Variants in OSBPL9 observed in about 807,000 individuals in gnomAD.
OSBPL9 encodes the protein oxysterol binding protein like 9.
A neutral mutation model predicts 106.6 loss-of-function variants in OSBPL9; 40 were observed. The observed-to-expected ratio is 0.38, with a 90% confidence interval of 0.29 to 0.49. The LOEUF is 0.49. Ranked by LOEUF, OSBPL9 falls within the 20% of genes least tolerant of loss-of-function variation. OSBPL9 has a pLI of 0.97. For missense variants in OSBPL9, 609 were observed against 887.2 expected (o/e 0.69, Z 3.98); for synonymous variants, 269 against 295.4 (o/e 0.91, Z 0.92).
intron 2 of OSBPL9, among the ~76,000 whole-genome samples, chr1:51,610,122 A>G (rs1643975976): frequency 1.3e-5 from 2 of 152,210 alleles, no homozygotes; most frequent in African/African-American, 4.8e-5. Flanking sequence ...ACGCTGTGAG[A>G]TAATTGCTAC....
intron 4 of OSBPL9, among the ~76,000 whole-genome samples, chr1:51,738,686 A>G (rs947526616): frequency 3.9e-5 from 6 of 152,114 alleles, no homozygotes; most frequent in Admixed American, 2.6e-4. Context: ...GAGTTCATCA[A>G]CTTATAGCTT....
intron 4 of OSBPL9, among the ~76,000 whole-genome samples, chr1:51,738,436 CAT>C (rs1261048172): frequency 6.6e-6 from 1 of 152,008 alleles, no homozygotes; most frequent in Non-Finnish European, 1.5e-5. Context: ...AAAGCACTAA[CAT>C]ATGTTCAAAA....
chr1:51,594,780 C>T (rs72663122), intron 1 of OSBPL9: 2,984 of 152,374 alleles, frequency 0.02, 51 homozygotes, highest in Non-Finnish European at 0.03. Flanking sequence ...CCGGGAAAGT[C>T]GGCCTGCCTG....
intron 2 of OSBPL9, among the ~76,000 whole-genome samples, chr1:51,607,508 A>G (rs894175298): frequency 2.0e-5 from 3 of 152,122 alleles, no homozygotes; most frequent in African/African-American, 7.2e-5. Flanking sequence ...CTGGGTAGAT[A>G]GGTATATTTT....
chr1:51,745,883 GA>G (rs1287394930), intron 5 of OSBPL9, among the ~76,000 whole-genome samples: 4 of 152,182 alleles, frequency 2.6e-5, no homozygotes, highest in South Asian at 4.1e-4. Context: ...GGCATAATTA[GA>G]AAAAAATAAG....
intron 3 of OSBPL9, among the ~76,000 whole-genome samples, chr1:51,672,492 C>G (rs1173095924): frequency 1.3e-5 from 2 of 152,120 alleles, no homozygotes; most frequent in Admixed American, 1.3e-4. Context: ...AGTCAGTCCC[C>G]AGCCCCAGCC....
chr1:51,779,045 C>A (rs114380888), intron 15 of OSBPL9, among the ~76,000 whole-genome samples: 1 of 152,112 alleles, frequency 6.6e-6, no homozygotes, highest in African/African-American at 2.4e-5. Flanking sequence ...AAACCAGAAG[C>A]AGTGTTTGCC....
intron 2 of OSBPL9, 93 bp from the exon 3 acceptor site, chr1:51,669,341 C>G (rs961298467): frequency 6.0e-6 from 6 of 1,003,536 alleles, no homozygotes; most frequent in Non-Finnish European, 9.0e-6. Context: ...CTTCCAGTGT[C>G]GTTGGTGCAT....
chr1:51,760,574 C>T (rs188268749), intron 9 of OSBPL9, 116 bp from the exon 10 acceptor site: 630 of 1,448,262 alleles, frequency 4.4e-4, no homozygotes, highest in Non-Finnish European at 5.7e-4. Flanking sequence ...TCATTTTGAT[C>T]AACATATCTA....
At chr1:51,762,941 C>T (rs1456310594) in intron 11 of OSBPL9, among the ~76,000 whole-genome samples, 3 of 152,090 alleles carry the variant, frequency 2.0e-5, no homozygotes, top group Non-Finnish European at 4.4e-5. Context: ...CACCTTTTTG[C>T]CAGTTTTATA....
rs968967991 is a variant in OSBPL9 at position 51,740,021 on chromosome 1, T to C, written c.319-5515T>C. ...TTTTTAACTTGCCACTTGCTGCTCA[T>C]GTACCTACTTTTCCTCTGTGTAGTT... On this transcript the variant is annotated intron_variant, in intron 4 of 23. Transcript: ENST00000428468. 3.6e-5 allele frequency: 43 copies of C among 1,188,646 alleles called. No individual in the cohort carries two copies. In the East Asian group the frequency reaches 1.1e-3, roughly 30 times the overall value. The allele number at this position is 1,188,646 out of a possible 1,614,324, so 73.6% of individuals were successfully genotyped here. A position where few individuals can be genotyped will look rare whatever the true frequency, so the allele number is the denominator to read the frequency against.
intron 16 of OSBPL9, 109 bp downstream of exon 16, chr1:51,781,444 C>T: frequency 9.0e-7 from 1 of 1,110,200 alleles, no homozygotes; most frequent in Non-Finnish European, 1.3e-6. Context: ...ATGGTCACCA[C>T]CCATAGAAGA....
chr1:51,679,405 G>A (rs920951496), intron 3 of OSBPL9, among the ~76,000 whole-genome samples: 9 of 152,196 alleles, frequency 5.9e-5, no homozygotes, highest in African/African-American at 2.2e-4. Context: ...GTATAAAGTA[G>A]TATAAAGATG....
chr1:51,669,435 G>C lies in OSBPL9; in HGVS notation c.164G>C (p.Gly55Ala), dbSNP rs753893905. 2.5e-6 allele frequency: 4 copies of C among 1,613,420 alleles called. No homozygotes were observed. The highest frequency in any genetic ancestry group is 3.4e-6 in the Non-Finnish European group (4 of 1,179,640). ...GGGATTTTGCTCTTTGTTTCACAGG[G>C]AGCTGTGATTGGTATAGACGATGAG... is the stretch of plus-strand genomic sequence containing the variant. Reference protein sequence around the residue: ...GSRRGCVRLRGAVIGIDDEDD... With the variant: ...GSRRGCVRLRAAVIGIDDEDD... Residue 55 changes from glycine (G) to alanine (A), a missense_variant and splice_region_variant, in exon 3 of 24, where the codon GGA becomes GCA. Transcript: ENST00000428468.
At chr1:51,757,067 C>A (rs1368899748) in intron 9 of OSBPL9, 2 of 152,140 alleles carry the variant, frequency 1.3e-5, no homozygotes, top group African/African-American at 2.4e-5. Flanking sequence ...AAGCAGGAGG[C>A]AGCTTTTTTG....
intron 3 of OSBPL9, chr1:51,707,226 A>G: frequency 2.9e-6 from 1 of 340,844 alleles, no homozygotes; most frequent in Non-Finnish European, 6.0e-6. Flanking sequence ...ATTGAGCCTG[A>G]CAAAGTGGTC....
intron 11 of OSBPL9, among the ~76,000 whole-genome samples, chr1:51,764,993 T>C (rs954651340): frequency 3.3e-5 from 5 of 152,228 alleles, no homozygotes; most frequent in Non-Finnish European, 7.3e-5. Context: ...CATCTGTAGA[T>C]TAGTATAAAT....
intron 1 of OSBPL9, among the ~76,000 whole-genome samples, chr1:51,623,158 AG>A (rs1467612460): frequency 5.9e-5 from 9 of 152,200 alleles, no homozygotes; most frequent in Non-Finnish European, 1.2e-4. Flanking sequence ...ATGGAGTGGT[AG>A]GTATGGAATG....
chr1:51,543,281 A>C, the OSBPL9 span, among the ~76,000 whole-genome samples: 8 of 152,340 alleles, frequency 5.3e-5, no homozygotes, highest in South Asian at 1.7e-3. Context: ...TAAACTTGAG[A>C]TCTTCTCCTA....
Sources: allele counts gnomAD v4.1 joint callset (sites outside exome capture counted in the v4.1 genomes callset), GRCh38; gene constraint gnomAD v4.1.1; transcripts MANE v1.5; gene names NCBI Gene and HGNC (gene_info 2026-07-23, HGNC 2026-07-21).